The following WIF1 variants were observed in gnomAD, a reference collection of about 807,000 sequenced individuals.
WIF1 encodes Wnt inhibitory factor 1.
A neutral mutation model predicts 53.5 loss-of-function variants in WIF1; 35 were observed. That is an observed-to-expected ratio of 0.65 (90% confidence interval 0.50 to 0.87). The LOEUF (loss-of-function observed/expected upper bound fraction) is 0.87, where lower values mean the gene tolerates loss of function less well. WIF1 is among the 40% of genes least tolerant of loss of function. The probability of loss-of-function intolerance (pLI) is 0.00; values close to 1 mark genes in which losing one functional copy is unlikely to be tolerated. For synonymous variants in WIF1, 171 were observed against 170.4 expected (o/e 1.00, Z -0.03); for missense variants, 467 against 476.8 (o/e 0.98, Z 0.19).
chr12:65,092,373 T>C (rs1300228898), intron 2 of WIF1, among the ~76,000 whole-genome samples: 2 of 151,708 alleles, frequency 1.3e-5, no homozygotes, highest in East Asian at 3.9e-4. Context: ...ATGGCATGTG[T>C]ATACCTATGT....
At chr12:65,113,368 T>C (rs1280638889) in intron 2 of WIF1, among the ~76,000 whole-genome samples, 1 of 152,216 alleles carries the variant, frequency 6.6e-6, no homozygotes, top group Non-Finnish European at 1.5e-5. Context: ...AAATGCTTTA[T>C]TGGATATCAT....
At chr12:65,080,982 T>A (rs1236629344) in intron 2 of WIF1, among the ~76,000 whole-genome samples, 1 of 152,092 alleles carries the variant, frequency 6.6e-6, no homozygotes, top group Non-Finnish European at 1.5e-5. Context: ...AAAAATAAAC[T>A]TTTAGTTAAT....
chr12:65,083,814 T>TTCCTTTCCTTTCCTC (rs1565754669), intron 2 of WIF1: 1 of 318,976 alleles, frequency 3.1e-6, no homozygotes, highest in African/African-American at 2.8e-5. Flanking sequence ...TTCCTTTCCT[T>TTCCTTTCCTTTCCTC]TCCTCTCCTC....
At chr12:65,055,308 A>T (rs1882506770) in intron 8 of WIF1, 95 bp from the exon 9 acceptor site, 1 of 1,383,672 alleles carries the variant, frequency 7.2e-7, no homozygotes, top group South Asian at 1.5e-5. Context: ...AGAATGTGTT[A>T]GTTTTGGCTT....
At chr12:65,073,746 C>T (rs1394912412) in intron 3 of WIF1, among the ~76,000 whole-genome samples, 1 of 152,194 alleles carries the variant, frequency 6.6e-6, no homozygotes, top group African/African-American at 2.4e-5. Flanking sequence ...ACCTTCACTT[C>T]TCCTACTGAG....
chr12:65,121,169 G>A lies in WIF1; in HGVS notation c.23C>T (p.Pro8Leu), dbSNP rs865901045. 5 of 1,546,702 alleles carry A rather than the reference G, an allele frequency of 3.2e-6. No homozygotes were observed. The highest frequency in any genetic ancestry group is 1.4e-5 in the African/African-American group (1 of 72,940). ...GCTCCAGAGCCAGAGCGCGGCGGCA[G>A]GGAAGGCGCTCCTCCGGGCCATGCT... MARRSAF[P>L]AAALWLWSIL... The change falls in exon 1 of 10, where the codon CCT becomes CTT. Residue 8 changes from proline to leucine, a missense_variant. By Grantham distance (98) the Pro-to-Leu change is moderately conservative. Transcript: ENST00000286574.
intron 2 of WIF1, among the ~76,000 whole-genome samples, chr12:65,096,529 G>A (rs1037081575): frequency 6.6e-6 from 1 of 152,250 alleles, no homozygotes; most frequent in South Asian, 2.1e-4. Flanking sequence ...TATACCCAAA[G>A]TATAATAAAT....
At chr12:65,086,144 A>C (rs926154595) in intron 2 of WIF1, among the ~76,000 whole-genome samples, 15 of 114,204 alleles carry the variant, frequency 1.3e-4, no homozygotes, top group Non-Finnish European at 2.9e-4. Context: ...AGCTCATCTA[A>C]AAATTGAAAA....
chr12:65,094,430 A>C (rs1883170692), intron 2 of WIF1, among the ~76,000 whole-genome samples: 1 of 152,214 alleles, frequency 6.6e-6, no homozygotes, highest in Non-Finnish European at 1.5e-5. Context: ...CCATTATGTC[A>C]TTAACCACAT....
At chr12:65,057,822 G>T (rs1986113) in intron 7 of WIF1, among the ~76,000 whole-genome samples, 2 of 152,102 alleles carry the variant, frequency 1.3e-5, no homozygotes, top group African/African-American at 4.8e-5. Flanking sequence ...TGACAAACAA[G>T]AAGTAAATTC....
chr12:65,055,323 C>G, intron 8 of WIF1, 110 bp from the exon 9 acceptor site: 2 of 1,251,300 alleles, frequency 1.6e-6, no homozygotes, highest in Non-Finnish European at 2.2e-6. Flanking sequence ...TGGCTTCATC[C>G]TCTAATTTTT....
intron 9 of WIF1, among the ~76,000 whole-genome samples, chr12:65,053,526 T>C (rs912385682): frequency 3.3e-5 from 5 of 152,166 alleles, no homozygotes; most frequent in African/African-American, 1.2e-4. Flanking sequence ...TCTCTCTCCT[T>C]CCACCTTATG....
intron 9 of WIF1, 21 bp from the exon 10 acceptor site, chr12:65,051,491 TA>T: frequency 6.4e-7 from 1 of 1,559,476 alleles, no homozygotes; most frequent in South Asian, 1.2e-5. Context: ...ATTCACAGCT[TA>T]AAAGGAAAGA....
At chr12:65,088,897 G>C (rs556030234) in intron 2 of WIF1, among the ~76,000 whole-genome samples, 1 of 152,130 alleles carries the variant, frequency 6.6e-6, no homozygotes, top group East Asian at 1.9e-4. Flanking sequence ...GCAGATTCTA[G>C]CTTTCATCAC....
chr12:65,062,641 TAA>T, intron 6 of WIF1, 65 bp from the exon 7 acceptor site: 2 of 1,419,926 alleles, frequency 1.4e-6, no homozygotes, highest in Non-Finnish European at 1.9e-6. Flanking sequence ...AAATTTCACT[TAA>T]AGTGAGGTGC....
At chr12:65,080,857 A>T (rs1442729023) in intron 2 of WIF1, among the ~76,000 whole-genome samples, 2 of 152,156 alleles carry the variant, frequency 1.3e-5, no homozygotes. Flanking sequence ...GCTACCCCAT[A>T]ATTATATCTT....
Position 65,062,478 on chromosome 12 carries a change from C to CA in WIF1, c.826+2dup. On this transcript the variant is annotated splice_region_variant and intron_variant, in intron 7 of 9. Transcript: ENST00000286574. ...CAAAAGAACGCAGAAAGTCAATACT[C>CA]ACTGATTTCACACTGCTCTCCCTCT... 4.4e-6 allele frequency: 7 copies of CA among 1,602,514 alleles called. No individual in the cohort carries two copies. The highest frequency in any genetic ancestry group is 6.0e-6 in the Non-Finnish European group (7 of 1,172,920).
At chr12:65,091,157 A>G (rs1270340223) in intron 2 of WIF1, among the ~76,000 whole-genome samples, 2 of 152,074 alleles carry the variant, frequency 1.3e-5, no homozygotes, top group Non-Finnish European at 2.9e-5. Context: ...GGAATAAGTT[A>G]AACTACACCA....
chr12:65,113,946 A>G (rs190502886), intron 2 of WIF1, among the ~76,000 whole-genome samples: 2 of 152,354 alleles, frequency 1.3e-5, no homozygotes, highest in East Asian at 3.9e-4. Flanking sequence ...CCACTAAGGT[A>G]TGACAGCAAA....
Sources: allele counts gnomAD v4.1 joint callset (sites outside exome capture counted in the v4.1 genomes callset), GRCh38; gene constraint gnomAD v4.1.1; transcripts MANE v1.5; gene names NCBI Gene and HGNC (gene_info 2026-07-23, HGNC 2026-07-21).